The following BMS1 variants were observed in gnomAD, a reference collection of about 807,000 sequenced individuals.
BMS1 encodes ribosome biogenesis protein BMS1 homolog.
In BMS1, 53 loss-of-function variants were observed where a neutral mutation model predicts 138.7. The observed-to-expected ratio is 0.38, with a 90% CI of 0.31 to 0.48. BMS1 has a LOEUF of 0.48. Among genes scored for constraint, BMS1 ranks in the 20% least tolerant of loss-of-function variants. The probability of loss-of-function intolerance (pLI) is 0.97; values close to 1 mark genes in which losing one functional copy is unlikely to be tolerated. For synonymous variants in BMS1, 504 were observed against 539.9 expected, an observed-to-expected ratio of 0.93 and a Z score of 0.92; for missense variants, 1,360 against 1,565.5, an observed-to-expected ratio of 0.87 and a Z score of 2.22.
intron 3 of BMS1, 104 bp downstream of exon 3, chr10:42,785,776 TATC>T: frequency 7.8e-7 from 1 of 1,285,208 alleles, no homozygotes; most frequent in Non-Finnish European, 1.1e-6. Context: ...AATATTGTCA[TATC>T]ATGGGACTTC....
chr10:42,802,677 T>C (rs1051427683), intron 13 of BMS1, among the ~76,000 whole-genome samples: 1 of 151,936 alleles, frequency 6.6e-6, no homozygotes, highest in African/African-American at 2.4e-5. Flanking sequence ...TTTTTAGTTG[T>C]ACTTTATATA....
chr10:42,814,144 A>G (rs113080868), intron 13 of BMS1, among the ~76,000 whole-genome samples: 2 of 152,320 alleles, frequency 1.3e-5, no homozygotes, highest in African/African-American at 4.8e-5. Flanking sequence ...TATATCTTTC[A>G]CTAAATGTGG....
chr10:42,811,168 A>G (rs2132352598), intron 13 of BMS1, among the ~76,000 whole-genome samples: 1 of 151,984 alleles, frequency 6.6e-6, no homozygotes, highest in South Asian at 2.1e-4. Flanking sequence ...CAGCTTCCCA[A>G]GTAGCTGGGA....
intron 8 of BMS1, among the ~76,000 whole-genome samples, 185 bp downstream of exon 8, chr10:42,793,329 C>A (rs557876583): frequency 6.6e-6 from 1 of 151,122 alleles, no homozygotes; most frequent in African/African-American, 2.4e-5. Flanking sequence ...TTTCATTGTA[C>A]CAAGCAGAAG....
At chr10:42,790,565 C>G (rs1324255303) in intron 5 of BMS1, 54 bp downstream of exon 5, 11 of 1,580,000 alleles carry the variant, frequency 7.0e-6, no homozygotes, top group Non-Finnish European at 8.6e-6. Flanking sequence ...TTAAAATAGA[C>G]TGAAGAGGCC....
At position 42,811,199 on chromosome 10, in the gene BMS1, G is replaced by A. The variant is rs535702433; in HGVS notation, c.2330-5400G>A. On this transcript the variant is annotated intron_variant, in intron 13 of 22. Coordinates refer to ENST00000374518, the MANE Select transcript of BMS1 (RefSeq NM_014753.4). Reference sequence around the variant, plus strand: ...TGGGATTACAGGCATGCACCCCCACGCACAGCTAATTTTTTGTATTTTTAG... The same window carrying A: ...TGGGATTACAGGCATGCACCCCCACACACAGCTAATTTTTTGTATTTTTAG... Among the ~76,000 whole-genome samples, 22 of 151,814 alleles carry A rather than the reference G, an allele frequency of 1.4e-4. No homozygotes were observed. The South Asian group carries it at 3.5e-3, about 24-fold the overall frequency.
rs1481792780 is a variant in BMS1, at chr10:42,802,185, G to T, written c.2296G>T (p.Asp766Tyr). The change falls in exon 13 of 23, where the codon GAT becomes TAT. Residue 766 changes from aspartate to tyrosine, a missense_variant. By Grantham distance (160) the Asp-to-Tyr change is radical. Transcript: ENST00000374518. Reference sequence around the variant, plus strand: ...CTTCGTGACTGGAAAGTGGGAAGATGATAAAGATGCAGCCAAGGTCTTAGC... The same window carrying T: ...CTTCGTGACTGGAAAGTGGGAAGATTATAAAGATGCAGCCAAGGTCTTAGC... ...DCFVTGKWED[D>Y]KDAAKVLAED... 6.2e-6 allele frequency: 10 copies of T among 1,613,618 alleles called. No individual in the cohort carries two copies. The highest frequency in any genetic ancestry group is 8.5e-6 in the Non-Finnish European group (10 of 1,179,714).
chr10:42,785,815 G>C, intron 3 of BMS1, 143 bp downstream of exon 3: 1 of 899,150 alleles, frequency 1.1e-6, no homozygotes, highest in Non-Finnish European at 1.7e-6. Context: ...TACTAAGTTG[G>C]CTATAGCTTC....
In BMS1 at chr10:42,802,166, G is replaced by A. The variant is rs777168601; in HGVS notation, c.2277G>A (p.Val759=). 2 of 1,613,450 alleles carry A rather than the reference G, an allele frequency of 1.2e-6. No individual in the cohort carries two copies. The highest frequency in any genetic ancestry group is 4.5e-5 in the East Asian group (2 of 44,830). ...TGAACAGTATCAGAGATTGCTTCGT[G>A]ACTGGAAAGTGGGAAGATGATAAAG... is the stretch of plus-strand genomic sequence containing the variant. ...EVMNSIRDCF[V]TGKWEDDKDA... Residue 759 remains valine, a synonymous_variant, in exon 13 of 23, where the codon GTG becomes GTA. Coordinates refer to ENST00000374518, the MANE Select transcript of BMS1 (RefSeq NM_014753.4).
chr10:42,817,777 G>T (rs1035606350), intron 15 of BMS1, among the ~76,000 whole-genome samples: 11 of 152,166 alleles, frequency 7.2e-5, no homozygotes, highest in African/African-American at 2.7e-4. Flanking sequence ...TTGAGACATG[G>T]TCTTACAATG....
At chr10:42,805,270 G>A (rs908774105) in intron 13 of BMS1, among the ~76,000 whole-genome samples, 2 of 152,082 alleles carry the variant, frequency 1.3e-5, no homozygotes, top group African/African-American at 2.4e-5. Flanking sequence ...GAATTGCCCT[G>A]TATTGGTTGG....
rs1337052739 is a variant in BMS1, at chr10:42,833,239, T to C, written c.*2143T>C. ...TGGAGAACAAGGGAAATAAAAAGTT[T>C]GCATATTAAGATTATTTAAACTAAA... On this transcript the variant is annotated 3_prime_UTR_variant, in exon 23 of 23. Transcript: ENST00000374518. 1 of 152,212 alleles carries C rather than the reference T, an allele frequency of 6.6e-6. No individual in the cohort carries two copies. Among genetic ancestry groups the C allele is most frequent in the Admixed American group, 6.5e-5 (1 of 15,286 alleles). The allele number at this position is 152,212 out of a possible 1,614,324, so 9.4% of individuals were successfully genotyped here.
intron 12 of BMS1, among the ~76,000 whole-genome samples, chr10:42,801,671 T>C (rs1841879438): frequency 1.3e-5 from 2 of 152,348 alleles, no homozygotes; most frequent in African/African-American, 4.8e-5. Context: ...ATTTCAAAAA[T>C]TGGATTACTT....
Position 42,785,576 on chromosome 10 carries a change from C to G in BMS1, c.271C>G (p.Pro91Ala). 6.2e-7 allele frequency: 1 copy of G among 1,613,904 alleles called. No homozygotes were observed. Among genetic ancestry groups the G allele is most frequent in the East Asian group, 2.2e-5 (1 of 44,882 alleles). The change falls in exon 3 of 23, where the codon CCA (proline) becomes GCA (alanine). Residue 91 changes from proline (P) to alanine (A), a missense_variant. Pro to Ala is a conservative substitution (Grantham distance 27). Around this residue, in one of 3 missense-constraint regions of BMS1, gnomAD observed 238 missense variants for 311.1 expected, o/e 0.77. Coordinates refer to ENST00000374518, the MANE Select transcript of BMS1 (RefSeq NM_014753.4). ...PPIVVVVMGP[P>A]KVGKSTLIQC... ...AATAGTGGTAGTGGTGATGGGACCT[C>G]CAAAAGTTGGAAAGAGCACTTTGAT...
At chr10:42,783,426 G>C (rs1841223016) in intron 1 of BMS1, among the ~76,000 whole-genome samples, 3 of 152,154 alleles carry the variant, frequency 2.0e-5, no homozygotes, top group Admixed American at 2.0e-4. Flanking sequence ...ATAATAGTTT[G>C]GATTTCCTCT....
intron 12 of BMS1, among the ~76,000 whole-genome samples, chr10:42,798,861 G>A (rs1841782218): frequency 6.6e-6 from 1 of 152,228 alleles, no homozygotes; most frequent in Non-Finnish European, 1.5e-5. Context: ...AGTGTGGACA[G>A]TAGTGTGCAT....
intron 13 of BMS1, among the ~76,000 whole-genome samples, chr10:42,806,869 G>GAA: frequency 6.6e-6 from 1 of 150,966 alleles, no homozygotes; most frequent in East Asian, 1.9e-4. Context: ...CAAATACAGA[G>GAA]AAAAAAAAAG....
intron 12 of BMS1, among the ~76,000 whole-genome samples, chr10:42,799,990 T>A (rs1295399844): frequency 1.3e-5 from 2 of 152,204 alleles, no homozygotes; most frequent in Non-Finnish European, 2.9e-5. Flanking sequence ...TTGCTTTGCA[T>A]CCCTCTGGAG....
chr10:42,790,579 T>C, intron 5 of BMS1, 68 bp downstream of exon 5: 4 of 1,527,534 alleles, frequency 2.6e-6, no homozygotes, highest in Non-Finnish European at 3.6e-6. Context: ...AGAGGCCGGG[T>C]GCAGTGGCTA....
Sources: allele counts gnomAD v4.1 joint callset (sites outside exome capture counted in the v4.1 genomes callset), GRCh38; gene constraint gnomAD v4.1.1; regional missense constraint gnomAD v4.1.1; transcripts MANE v1.5; gene names NCBI Gene and HGNC (gene_info 2026-07-23, HGNC 2026-07-21).